SCFD1: variants seen among roughly 807,000 people sequenced by gnomAD.
The protein encoded by SCFD1 is sec1 family domain containing 1.
Under a neutral mutation model 103.2 loss-of-function variants are expected in SCFD1, and 37 were observed. The observed-to-expected ratio is 0.36, with a 90% confidence interval of 0.28 to 0.47. SCFD1 has a LOEUF of 0.47. SCFD1 is among the 20% of genes least tolerant of loss of function. The pLI is 1.00. For synonymous variants in SCFD1, 264 were observed against 245.0 expected, an observed-to-expected ratio of 1.08 and a Z score of -0.73; for missense variants, 639 against 761.2, an observed-to-expected ratio of 0.84 and a Z score of 1.89.
rs1888791615 is a variant in SCFD1 at position 30,673,957 on chromosome 14, A to G, written c.1120A>G (p.Met374Val). Residue 374 changes from methionine (M) to valine (V), a missense_variant, in exon 13 of 25, where the codon ATG (methionine) becomes GTG (valine). Physicochemically the swap from Met to Val is conservative, Grantham distance 21. Transcript: ENST00000458591. ...LEGEDEGAIS[M>V]LSDNTAKLTS... ...AGGGGAAGATGAAGGAGCCATAAGT[A>G]TGCTTTCTGACAATACCGCTAAGCT... 1.2e-6 allele frequency: 2 copies of G among 1,613,794 alleles called. No homozygotes were observed. The highest frequency in any genetic ancestry group is 2.7e-5 in the African/African-American group (2 of 75,030).
intron 12 of SCFD1, 80 bp downstream of exon 12, chr14:30,673,427 T>A (rs1285313867): frequency 2.9e-6 from 2 of 683,004 alleles, no homozygotes; most frequent in Non-Finnish European, 4.7e-6. Flanking sequence ...GTTTTTTTCC[T>A]TATAAAAATT....
intron 1 of SCFD1, among the ~76,000 whole-genome samples, chr14:30,626,728 G>C (rs915202734): frequency 2.0e-5 from 3 of 151,986 alleles, no homozygotes; most frequent in Non-Finnish European, 4.4e-5. Context: ...TCATTTCCTG[G>C]CTCCGGGTCT....
intron 8 of SCFD1, 60 bp downstream of exon 8, chr14:30,649,643 A>G (rs565014950): frequency 9.5e-5 from 118 of 1,243,686 alleles, no homozygotes; most frequent in Non-Finnish European, 1.2e-4. Context: ...TTTTCCCACA[A>G]GTAACGCAAC....
chr14:30,634,616 G>A (rs548183070), intron 4 of SCFD1, among the ~76,000 whole-genome samples: 3 of 152,208 alleles, frequency 2.0e-5, no homozygotes, highest in African/African-American at 7.2e-5. Context: ...AGAAAGCCTA[G>A]GTATATTGCC....
chr14:30,696,344 A>G lies in SCFD1; in HGVS notation c.1339+1475A>G, dbSNP rs555581697. 2.0e-4 allele frequency among the ~76,000 whole-genome samples: 30 copies of G among 152,340 alleles called. 1 individual carries two copies. The highest frequency in any genetic ancestry group is 1.0e-3 in the South Asian group (5 of 4,824). ...GAAATTTAAAAAGTTATATAAGTCTATCATTTCTGAGCTATTCCTTGTTAT... is the reference window on the plus strand; with the variant it reads ...GAAATTTAAAAAGTTATATAAGTCTGTCATTTCTGAGCTATTCCTTGTTAT... On this transcript the variant is annotated intron_variant, in intron 15 of 24. Transcript: ENST00000458591.
chr14:30,735,183 T>A (rs1378730401), intron 24 of SCFD1: 1 of 291,508 alleles, frequency 3.4e-6, no homozygotes, highest in Non-Finnish European at 6.3e-6. Flanking sequence ...AAGTTAGCAC[T>A]AATTTTTTTA....
At chr14:30,636,280 T>G (rs1884713267) in intron 4 of SCFD1, among the ~76,000 whole-genome samples, 1 of 151,986 alleles carries the variant, frequency 6.6e-6, no homozygotes, top group Admixed American at 6.6e-5. Flanking sequence ...TTTTTTTTCT[T>G]GAGTTGCTTA....
intron 1 of SCFD1, among the ~76,000 whole-genome samples, chr14:30,624,207 A>G (rs1883149970): frequency 6.6e-6 from 1 of 152,122 alleles, no homozygotes; most frequent in African/African-American, 2.4e-5. Context: ...CTTCAGTTCA[A>G]TAGGTAGAAT....
intron 10 of SCFD1, chr14:30,658,324 TG>T (rs1887104917): frequency 6.5e-6 from 1 of 154,378 alleles, no homozygotes; most frequent in African/African-American, 2.4e-5. Context: ...AAAAAAAAAA[TG>T]GTTTCCAAAT....
intron 14 of SCFD1, among the ~76,000 whole-genome samples, chr14:30,677,667 C>T (rs1217287036): frequency 6.6e-6 from 1 of 151,782 alleles, no homozygotes; most frequent in Non-Finnish European, 1.5e-5. Flanking sequence ...TCCTTATAAG[C>T]GGCATGTTTA....
At chr14:30,665,626 G>A (rs1440641092) in intron 10 of SCFD1, among the ~76,000 whole-genome samples, 3 of 152,134 alleles carry the variant, frequency 2.0e-5, no homozygotes, top group Admixed American at 2.0e-4. Flanking sequence ...AGACCCATCA[G>A]TGTGCTGTAT....
chr14:30,635,174 C>A, intron 4 of SCFD1: 1 of 345,492 alleles, frequency 2.9e-6, no homozygotes, highest in South Asian at 2.3e-5. Flanking sequence ...TTTTACCCTG[C>A]GTAAACTCAA....
rs143572001 is a variant in SCFD1, at chr14:30,629,969, A to C, written c.133-508A>C. Among the ~76,000 whole-genome samples, 660 of 152,158 alleles carry C rather than the reference A, an allele frequency of 4.3e-3. 5 individuals carry two copies. Among genetic ancestry groups the C allele is most frequent in the South Asian group, 7.2e-3 (35 of 4,830 alleles). On this transcript the variant is annotated intron_variant, in intron 2 of 24. Transcript: ENST00000458591. ...GTGGTCCTGGAACTTGTTATATATT[A>C]GTTTTGAAAATGGCTAATTTTTACA... is the stretch of plus-strand genomic sequence containing the variant.
At chr14:30,664,912 G>A (rs1312949892) in intron 10 of SCFD1, among the ~76,000 whole-genome samples, 4 of 152,146 alleles carry the variant, frequency 2.6e-5, no homozygotes, top group East Asian at 1.9e-4. Flanking sequence ...GACCAAATCT[G>A]CGTTTGATTG....
chr14:30,650,421 G>A (rs767047642), intron 8 of SCFD1, 144 bp from the exon 9 acceptor site: 177 of 624,490 alleles, frequency 2.8e-4, no homozygotes, highest in Non-Finnish European at 4.2e-4. Context: ...GTGGTAAGAC[G>A]GAGCTAAAAT....
At chr14:30,663,081 T>C (rs1041755252) in intron 10 of SCFD1, among the ~76,000 whole-genome samples, 6 of 152,234 alleles carry the variant, frequency 3.9e-5, no homozygotes, top group African/African-American at 1.4e-4. Flanking sequence ...TTATTTGCCT[T>C]ACTATTATGC....
intron 24 of SCFD1, 79 bp from the exon 25 acceptor site, chr14:30,735,507 G>C (rs975918677): frequency 2.1e-6 from 2 of 935,846 alleles, no homozygotes; most frequent in Non-Finnish European, 3.5e-6. Context: ...AATTTATTAA[G>C]GGGTTTACAA....
At chr14:30,683,461 C>T in intron 14 of SCFD1, 1 of 463,142 alleles carries the variant, frequency 2.2e-6, no homozygotes, top group South Asian at 1.7e-5. Context: ...GCAGAAATGC[C>T]CTTGCTGCCA....
intron 16 of SCFD1, 45 bp downstream of exon 16, chr14:30,700,303 T>G (rs1566642496): frequency 8.7e-7 from 1 of 1,150,844 alleles, no homozygotes; most frequent in East Asian, 2.4e-5. Flanking sequence ...AATGCTTGTT[T>G]GTAGACTACT....
Sources: allele counts gnomAD v4.1 joint callset (sites outside exome capture counted in the v4.1 genomes callset), GRCh38; gene constraint gnomAD v4.1.1; transcripts MANE v1.5; gene names NCBI Gene and HGNC (gene_info 2026-07-23, HGNC 2026-07-21).